ELL2: variants seen among roughly 807,000 people sequenced by gnomAD.
The protein encoded by ELL2 is RNA polymerase II elongation factor ELL2.
A neutral mutation model predicts 72.8 loss-of-function variants in ELL2; 21 were observed. The ratio of observed to expected loss-of-function variants is 0.29; its 90% CI spans 0.20 to 0.42. The LOEUF is 0.42. Ranked by LOEUF, ELL2 falls within the 10% of genes least tolerant of loss-of-function variation. ELL2 has a pLI of 1.00. For missense variants in ELL2, 568 were observed against 772.8 expected, an observed-to-expected ratio of 0.73 and a Z score of 3.14; for synonymous variants, 266 against 283.2, an observed-to-expected ratio of 0.94 and a Z score of 0.61.
intron 1 of ELL2, among the ~76,000 whole-genome samples, chr5:95,959,041 C>G (rs1003512671): frequency 1.3e-5 from 2 of 152,056 alleles, no homozygotes; most frequent in African/African-American, 4.8e-5. Context: ...TATGAAAACA[C>G]TAGGGTATAG....
intron 2 of ELL2, among the ~76,000 whole-genome samples, chr5:95,927,426 C>T (rs554185161): frequency 5.8e-3 from 254 of 43,908 alleles, no homozygotes; most frequent in African/African-American, 0.018. Context: ...TATAGACATA[C>T]ACACACACGT....
chr5:95,922,675 C>T (rs1358472611), intron 2 of ELL2, among the ~76,000 whole-genome samples: 2 of 152,016 alleles, frequency 1.3e-5, no homozygotes, highest in African/African-American at 4.8e-5. Context: ...TCTCTTAAAG[C>T]ATTATAGTTT....
chr5:95,891,748 G>A (rs1179835436), intron 9 of ELL2, among the ~76,000 whole-genome samples: 1 of 152,216 alleles, frequency 6.6e-6, no homozygotes, highest in African/African-American at 2.4e-5. Context: ...ATGAGAGGCA[G>A]TCTGTTGCTT....
chr5:95,922,544 C>A (rs1353594438), intron 2 of ELL2, among the ~76,000 whole-genome samples: 3 of 152,190 alleles, frequency 2.0e-5, no homozygotes, highest in Non-Finnish European at 4.4e-5. Flanking sequence ...AAGCTCTTAA[C>A]AAACCTTTGT....
Position 95,907,296 on chromosome 5 carries a change from A to ATATATATATTTTTTTTTTTT in ELL2, c.482-515_482-514insAAAAAAAAAAAATATATATA. Among the ~76,000 whole-genome samples, 43 of 116,470 alleles carry ATATATATATTTTTTTTTTTT rather than the reference A, an allele frequency of 3.7e-4. No individual in the cohort carries two copies. The East Asian group carries it at 5.3e-3, about 14-fold the overall frequency. 76.4% of individuals were successfully genotyped at this position (116,470 alleles called of 152,430 possible). A position where few individuals can be genotyped will look rare whatever the true frequency, so the allele number is the denominator to read the frequency against. Reference sequence around the variant, plus strand: ...GTTAGTGATATATATATATATATATATTTTTTTTTTTTACAGGCCAAGACA... The same window carrying ATATATATATTTTTTTTTTTT: ...GTTAGTGATATATATATATATATATATATATATATTTTTTTTTTTTTTTTTTTTTTTTACAGGCCAAGACA... On this transcript the variant is annotated intron_variant, in intron 4 of 11. Coordinates refer to ENST00000237853, the MANE Select transcript of ELL2 (RefSeq NM_012081.6).
At chr5:95,898,915 A>G in intron 7 of ELL2, 105 bp from the exon 8 acceptor site, 2 of 822,188 alleles carry the variant, frequency 2.4e-6, no homozygotes, top group Non-Finnish European at 3.6e-6. Flanking sequence ...CTTACTATTA[A>G]TATTACCAGG....
In ELL2 at chr5:95,891,202, C is replaced by G; in HGVS notation, c.1662G>C (p.Glu554Asp). The G allele has an allele frequency of 6.2e-7, 1 of 1,614,130 alleles. No homozygotes were observed. Among genetic ancestry groups the G allele is most frequent in the Non-Finnish European group, 8.5e-7 (1 of 1,180,016 alleles). Residue 554 changes from glutamate to aspartate, a missense_variant, in exon 10 of 12, where the codon GAG becomes GAC. Around this residue, in one of 2 missense-constraint regions of ELL2, gnomAD observed 511 missense variants for 728.4 expected, o/e 0.70. Transcript: ENST00000237853. ...CCATCCTGGCATGCAAAGCTCTGTA[C>G]TCATCATACTCTGCATTGAAGTCAT... ...YKDDFNAEYDEYRALHARMET... is the reference protein window; with the variant it reads ...YKDDFNAEYDDYRALHARMET...
At chr5:95,952,494 A>C (rs1189726568) in intron 1 of ELL2, among the ~76,000 whole-genome samples, 1 of 152,232 alleles carries the variant, frequency 6.6e-6, no homozygotes, top group African/African-American at 2.4e-5. Context: ...TCCCTCATGG[A>C]ATCTCATATC....
intron 1 of ELL2, among the ~76,000 whole-genome samples, chr5:95,956,241 T>A (rs1314720905): frequency 1.3e-5 from 2 of 152,208 alleles, no homozygotes; most frequent in Non-Finnish European, 2.9e-5. Context: ...GGCTACTACT[T>A]TTCTCAGGGA....
At chr5:95,959,703 A>AG (rs1442889572) in intron 1 of ELL2, among the ~76,000 whole-genome samples, 2 of 152,152 alleles carry the variant, frequency 1.3e-5, no homozygotes, top group Non-Finnish European at 2.9e-5. Context: ...CACTGTATGT[A>AG]GGACGGTACC....
intron 9 of ELL2, among the ~76,000 whole-genome samples, chr5:95,895,342 A>T (rs1384281416): frequency 6.6e-6 from 1 of 152,228 alleles, no homozygotes; most frequent in Non-Finnish European, 1.5e-5. Context: ...GATCCCTAAA[A>T]TCTTTCATAA....
chr5:95,951,607 T>C (rs970635789), intron 1 of ELL2, among the ~76,000 whole-genome samples: 5 of 152,098 alleles, frequency 3.3e-5, no homozygotes, highest in Non-Finnish European at 7.4e-5. Context: ...AGTTTTTTTT[T>C]TTAAAACTAG....
rs59551147 is a variant in ELL2 at position 95,950,876 on chromosome 5, TTA to T, written c.148-7829_148-7828del. Among the ~76,000 whole-genome samples, 32 of 117,486 alleles carry T rather than the reference TTA, an allele frequency of 2.7e-4. 1 individual carries two copies. The highest frequency in any genetic ancestry group is 7.8e-4 in the African/African-American group (26 of 33,340). 77.1% of individuals were successfully genotyped at this position (117,486 alleles called of 152,430 possible). A position where few individuals can be genotyped will look rare whatever the true frequency, so the allele number is the denominator to read the frequency against. The stretch of plus-strand genomic sequence containing the variant: ...CTATCTGATACATGCCAAGTTTTAT[TTA>T]TATATATATATGTATGTATGTATGT... On this transcript the variant is annotated intron_variant, in intron 1 of 11. Coordinates refer to ENST00000237853, the MANE Select transcript of ELL2 (RefSeq NM_012081.6).
At chr5:95,961,002 C>T (rs535274679) in intron 1 of ELL2, among the ~76,000 whole-genome samples, 1 of 152,018 alleles carries the variant, frequency 6.6e-6, no homozygotes, top group African/African-American at 2.4e-5. Flanking sequence ...GAGTCCCCAT[C>T]CCTTCGAGCA....
At chr5:95,904,955 G>A (rs56156268) in intron 5 of ELL2, among the ~76,000 whole-genome samples, 39,932 of 151,940 alleles carry the variant, frequency 0.26, 5,340 homozygotes, top group East Asian at 0.41. Flanking sequence ...AAAAATGGTC[G>A]ATGTTGTTAG....
At chr5:95,929,750 G>A (rs1413312773) in intron 2 of ELL2, among the ~76,000 whole-genome samples, 1 of 149,992 alleles carries the variant, frequency 6.7e-6, no homozygotes, top group Non-Finnish European at 1.5e-5. Flanking sequence ...CCCAGAGAAG[G>A]CAAAAATAAA....
At chr5:95,907,764 G>T (rs1749432718) in intron 4 of ELL2, among the ~76,000 whole-genome samples, 1 of 152,214 alleles carries the variant, frequency 6.6e-6, no homozygotes, top group Non-Finnish European at 1.5e-5. Flanking sequence ...TCTGGTTAAA[G>T]AAGGGGAAGA....
chr5:95,890,542 T>G (rs1580474857), intron 10 of ELL2, among the ~76,000 whole-genome samples: 2 of 152,268 alleles, frequency 1.3e-5, no homozygotes, highest in Non-Finnish European at 2.9e-5. Context: ...CTTTGTCAGC[T>G]GTAGTAATAT....
At chr5:95,907,052 T>C (rs1274570517) in intron 4 of ELL2, among the ~76,000 whole-genome samples, 1 of 152,066 alleles carries the variant, frequency 6.6e-6, no homozygotes, top group Non-Finnish European at 1.5e-5. Context: ...AGAAAGATAA[T>C]AACTAGTAAC....
Sources: allele counts gnomAD v4.1 joint callset (sites outside exome capture counted in the v4.1 genomes callset), GRCh38; gene constraint gnomAD v4.1.1; regional missense constraint gnomAD v4.1.1; transcripts MANE v1.5; gene names NCBI Gene and HGNC (gene_info 2026-07-23, HGNC 2026-07-21).